Variants in CLMN observed in about 807,000 individuals in gnomAD.
CLMN encodes the protein calmin (calponin-like, transmembrane).
A neutral mutation model predicts 92.7 loss-of-function variants in CLMN; 57 were observed. The observed-to-expected ratio is 0.61, with a 90% confidence interval of 0.50 to 0.77. The LOEUF is 0.77. Ranked by LOEUF, CLMN falls within the 30% of genes least tolerant of loss-of-function variation. The pLI is 0.00. For missense variants in CLMN, 1,158 were observed against 1,237.5 expected (o/e 0.94, Z 0.96); for synonymous variants, 466 against 470.6 (o/e 0.99, Z 0.13).
intron 8 of CLMN, among the ~76,000 whole-genome samples, chr14:95,207,850 C>T (rs1897088318): frequency 6.6e-6 from 1 of 152,156 alleles, no homozygotes; most frequent in Non-Finnish European, 1.5e-5. Flanking sequence ...GGAAGTTCTT[C>T]TGTACAAAAC....
At chr14:95,193,049 A>C (rs1595548590) in intron 12 of CLMN, 1 of 374,084 alleles carries the variant, frequency 2.7e-6, no homozygotes, top group Non-Finnish European at 4.8e-6. Context: ...TAATGACCAC[A>C]CTCTTGGGTG....
Position 95,191,699 on chromosome 14 carries a change from C to T in CLMN, c.2874G>A (p.Leu958=), listed in dbSNP as rs746902486. The T allele has an allele frequency of 6.8e-6, 11 of 1,612,142 alleles. No homozygotes were observed. The Admixed American group carries it at 1.3e-4, about 20-fold the overall frequency. The change falls in exon 13 of 13, where the codon CTG becomes CTA. Residue 958 remains leucine (L), a synonymous_variant. Coordinates refer to ENST00000298912, the MANE Select transcript of CLMN (RefSeq NM_024734.4). This position sits in a 1 kb window ranked among gnomAD's most constrained non-coding sequence, Gnocchi z 5.3. ...AGTCACTCTGCGGGCTGTGGCTCCC[C>T]AGTGACATGGCTTCTCCTGAGCTGT... ...KANSSGEAMS[L]GSHSPQSDSL...
At position 95,187,841 on chromosome 14, in the gene CLMN, T is replaced by C. The variant is rs927122048; in HGVS notation, c.*3723A>G. ...TAGCCTTTTCATTGTTCCTCGAGCA[T>C]TGTCCAAGCTCAGAGCTGGGTATGT... On this transcript the variant is annotated 3_prime_UTR_variant, in exon 13 of 13. Coordinates refer to ENST00000298912, the MANE Select transcript of CLMN (RefSeq NM_024734.4). The C allele has an allele frequency of 6.6e-6, 1 of 152,206 alleles. No individual in the cohort carries two copies. Among genetic ancestry groups the C allele is most frequent in the Non-Finnish European group, 1.5e-5 (1 of 68,040 alleles). The allele number at this position is 152,206 out of a possible 1,614,324, so 9.4% of individuals were successfully genotyped here. A position where few individuals can be genotyped will look rare whatever the true frequency, so the allele number is the denominator to read the frequency against.
At position 95,258,301 on chromosome 14, in the gene CLMN, GTA is replaced by G. The variant is rs750980694; in HGVS notation, c.83-28170_83-28169del. 1.2e-4 allele frequency among the ~76,000 whole-genome samples: 18 copies of G among 150,560 alleles called. No individual in the cohort carries two copies. The South Asian group carries it at 1.7e-3, about 14-fold the overall frequency. ...GGCGTGTGTGTGGTGTGTGTGTGGT[GTA>G]TGTGTGTGTGTGGGGTGTGTGTATG... On this transcript the variant is annotated intron_variant, in intron 1 of 12. Transcript: ENST00000298912.
intron 9 of CLMN, among the ~76,000 whole-genome samples, chr14:95,202,236 G>A (rs974232904): frequency 6.6e-6 from 1 of 152,120 alleles, no homozygotes; most frequent in African/African-American, 2.4e-5. Flanking sequence ...CCACAGCCTC[G>A]CCAGCATCTA....
In CLMN at chr14:95,213,088, C is replaced by T. The variant is rs564985268; in HGVS notation, c.608+131G>A. On this transcript the variant is annotated intron_variant, in intron 6 of 12. Coordinates refer to ENST00000298912, the MANE Select transcript of CLMN (RefSeq NM_024734.4). ...AGGCATGAGCCACCGCGCCTGCCCC[C>T]TGTTCTGATATTCTATATGAAGCAA... The T allele has an allele frequency of 1.5e-5, 15 of 1,020,344 alleles. No individual in the cohort carries two copies. In the African/African-American group the frequency reaches 1.8e-4, roughly 12 times the overall value. 63.2% of individuals were successfully genotyped at this position (1,020,344 alleles called of 1,614,324 possible). A position where few individuals can be genotyped will look rare whatever the true frequency, so the allele number is the denominator to read the frequency against.
At chr14:95,208,688 C>G (rs1897113223) in intron 8 of CLMN, among the ~76,000 whole-genome samples, 1 of 152,186 alleles carries the variant, frequency 6.6e-6, no homozygotes, top group Admixed American at 6.5e-5. Context: ...AATAGTTCCC[C>G]CCTTATTTGC....
chr14:95,266,973 T>C (rs947412153), intron 1 of CLMN, among the ~76,000 whole-genome samples: 6 of 152,184 alleles, frequency 3.9e-5, no homozygotes, highest in Non-Finnish European at 8.8e-5. Flanking sequence ...GAAAATTGCA[T>C]AACCATATGC....
At chr14:95,257,978 ATGGTGTGTG>A (rs1899070206) in intron 1 of CLMN, among the ~76,000 whole-genome samples, 1 of 152,078 alleles carries the variant, frequency 6.6e-6, no homozygotes, top group Non-Finnish European at 1.5e-5. Context: ...AGAGTCAGCT[ATGGTGTGTG>A]TGAAGTGTGT....
At chr14:95,239,951 T>C (rs1246534290) in intron 1 of CLMN, among the ~76,000 whole-genome samples, 2 of 152,248 alleles carry the variant, frequency 1.3e-5, no homozygotes, top group Non-Finnish European at 2.9e-5. Context: ...TATCTATTTT[T>C]TACTGTGCCT....
chr14:95,298,916 A>G (rs1900923485), intron 1 of CLMN, among the ~76,000 whole-genome samples: 1 of 152,164 alleles, frequency 6.6e-6, no homozygotes, highest in Non-Finnish European at 1.5e-5. Flanking sequence ...CTTTGCAAGC[A>G]ATATTTTACA....
At chr14:95,317,257 A>G (rs1271561488) in intron 1 of CLMN, among the ~76,000 whole-genome samples, 1 of 152,210 alleles carries the variant, frequency 6.6e-6, no homozygotes, top group African/African-American at 2.4e-5. Flanking sequence ...GAAAATGCCT[A>G]TTAAGCATTC....
Position 95,289,630 on chromosome 14 carries a change from G to A in CLMN, c.82+30081C>T, listed in dbSNP as rs139166968. 5.1e-4 allele frequency among the ~76,000 whole-genome samples: 77 copies of A among 152,248 alleles called. No homozygotes were observed. The East Asian group carries it at 6.6e-3, about 13-fold the overall frequency. On this transcript the variant is annotated intron_variant, in intron 1 of 12. Coordinates refer to ENST00000298912, the MANE Select transcript of CLMN (RefSeq NM_024734.4). ...AACAAAGACCTGGGTGTTGGAGGGC[G>A]TGGGCATTGAAGGCTTCAAACCAGG... is the stretch of plus-strand genomic sequence containing the variant.
intron 5 of CLMN, among the ~76,000 whole-genome samples, chr14:95,213,730 G>A (rs917019837): frequency 2.0e-5 from 3 of 151,826 alleles, no homozygotes; most frequent in African/African-American, 4.8e-5. Context: ...TCCTCTCACC[G>A]CCCATCACTC....
chr14:95,235,219 G>A (rs543619288), intron 1 of CLMN, among the ~76,000 whole-genome samples: 25 of 152,220 alleles, frequency 1.6e-4, no homozygotes, highest in African/African-American at 5.5e-4. Context: ...TGGCCCACAT[G>A]GGTCACTAAC....
chr14:95,203,595 G>A lies in CLMN; in HGVS notation c.1754C>T (p.Ser585Leu), dbSNP rs758187424. 1 of 1,614,140 alleles carries A rather than the reference G, an allele frequency of 6.2e-7. No homozygotes were observed. Among genetic ancestry groups the A allele is most frequent in the South Asian group, 1.1e-5 (1 of 91,076 alleles). ...CTCGTCAGGTTTTGTCTCATGAGGT[G>A]AAGGAACTTTGTTGAAAGCCTGGCT... is the stretch of plus-strand genomic sequence containing the variant. Reference protein sequence around the residue: ...STSQAFNKVPSPHETKPDEDA... With the variant: ...STSQAFNKVPLPHETKPDEDA... The change falls in exon 9 of 13, where the codon TCA becomes TTA. Residue 585 changes from serine to leucine, a missense_variant. Coordinates refer to ENST00000298912, the MANE Select transcript of CLMN (RefSeq NM_024734.4).
In CLMN at chr14:95,185,636, T is replaced by C. The variant is rs541493341; in HGVS notation, c.*5928A>G. 1.3e-5 allele frequency: 2 copies of C among 152,166 alleles called. No individual in the cohort carries two copies. Among genetic ancestry groups the C allele is most frequent in the African/African-American group, 4.8e-5 (2 of 41,512 alleles). 9.4% of individuals were successfully genotyped at this position (152,166 alleles called of 1,614,324 possible). A position where few individuals can be genotyped will look rare whatever the true frequency, so the allele number is the denominator to read the frequency against. On this transcript the variant is annotated 3_prime_UTR_variant, in exon 13 of 13. Transcript: ENST00000298912. ...GCTTTGTGCAGTCTCATTTCCTGGC[T>C]GAGAAGGTCCCGAGATACCAGGCTG...
chr14:95,251,893 C>T (rs182631881), intron 1 of CLMN, among the ~76,000 whole-genome samples: 42 of 152,284 alleles, frequency 2.8e-4, no homozygotes, highest in African/African-American at 9.4e-4. Flanking sequence ...AAACTTGGGT[C>T]CAAGGACCCG....
At chr14:95,240,544 C>A (rs1898209773) in intron 1 of CLMN, among the ~76,000 whole-genome samples, 1 of 152,078 alleles carries the variant, frequency 6.6e-6, no homozygotes, top group Non-Finnish European at 1.5e-5. Flanking sequence ...CAAGGATCAC[C>A]CAGTAAAGCC....
Sources: gnomAD v4.1 joint callset for allele counts (sites outside exome capture counted in the v4.1 genomes callset) on GRCh38, gnomAD v4.1.1 for gene constraint, Gnocchi (gnomAD v3.1) non-coding constraint, MANE v1.5 for transcripts, NCBI Gene and HGNC (gene_info 2026-07-23, HGNC 2026-07-21) for gene names.